The following CSMD1 variants were observed in gnomAD, a reference collection of about 807,000 sequenced individuals.
CSMD1 encodes the protein CUB and Sushi multiple domains 1.
In CSMD1, 213 loss-of-function variants were observed where a neutral mutation model predicts 417.5. The observed-to-expected ratio is 0.51, with a 90% CI of 0.46 to 0.57. CSMD1 has a LOEUF of 0.57. Ranked by LOEUF, CSMD1 falls within the 20% of genes least tolerant of loss-of-function variation. The pLI is 0.00. For synonymous variants in CSMD1, 2,862 were observed against 1,736.8 expected, an observed-to-expected ratio of 1.65 and a Z score of -16.11; for missense variants, 6,923 against 4,529.7, an observed-to-expected ratio of 1.53 and a Z score of -15.17.
intron 36 of CSMD1, 135 bp downstream of exon 36, chr8:3,187,719 TCTAAGACTTTCAGCA>T (rs1240223438): frequency 2.1e-5 from 13 of 605,620 alleles, no homozygotes; most frequent in Admixed American, 8.1e-5. Context: ...ATGGTCTTAC[TCTAAGACTTTCAGCA>T]CTAGAGCAAC....
intron 2 of CSMD1, among the ~76,000 whole-genome samples, chr8:4,553,640 A>T (rs1258837911): frequency 6.6e-6 from 1 of 152,206 alleles, no homozygotes; most frequent in Non-Finnish European, 1.5e-5. Flanking sequence ...ATATAGCATG[A>T]AAAGCATCAG....
chr8:4,198,088 G>C (rs140934012), intron 3 of CSMD1, among the ~76,000 whole-genome samples: 80 of 152,358 alleles, frequency 5.3e-4, no homozygotes, highest in African/African-American at 1.5e-3. Flanking sequence ...AGGGAAGTCT[G>C]GGAGTCTGAG....
At chr8:4,496,296 G>A (rs945714236) in intron 2 of CSMD1, among the ~76,000 whole-genome samples, 2 of 152,202 alleles carry the variant, frequency 1.3e-5, no homozygotes, top group African/African-American at 2.4e-5. Context: ...ATTGAAGTGT[G>A]AACAATGGTT....
At chr8:4,798,053 C>T (rs903848587) in intron 1 of CSMD1, among the ~76,000 whole-genome samples, 10 of 152,128 alleles carry the variant, frequency 6.6e-5, no homozygotes, top group African/African-American at 1.9e-4. Flanking sequence ...AGGGTACATG[C>T]GCACAACGTG....
chr8:4,254,060 G>T (rs567632788), intron 3 of CSMD1, among the ~76,000 whole-genome samples: 1 of 151,806 alleles, frequency 6.6e-6, no homozygotes, highest in East Asian at 1.9e-4. Flanking sequence ...GGGACTACTG[G>T]TGCCCACCAC....
Position 4,030,141 on chromosome 8 carries a change from G to C in CSMD1, c.610+1764C>G, listed in dbSNP as rs142730307. On this transcript the variant is annotated intron_variant, in intron 4 of 69. Coordinates refer to ENST00000635120, the MANE Select transcript of CSMD1 (RefSeq NM_033225.6). ...AGCTTTTCCAGGTGCATGATGCAAG[G>C]TGTCAGTGGATCTACCATTCTGGAG... 5.1e-4 allele frequency among the ~76,000 whole-genome samples: 78 copies of C among 152,254 alleles called. No homozygotes were observed. In the East Asian group the frequency reaches 0.014, roughly 27 times the overall value.
intron 1 of CSMD1, among the ~76,000 whole-genome samples, chr8:4,972,558 T>A (rs970107713): frequency 2.0e-5 from 3 of 152,192 alleles, no homozygotes; most frequent in Non-Finnish European, 4.4e-5. Flanking sequence ...CATGGGGAAC[T>A]GTGAGTCAAT....
At chr8:4,556,868 C>T (rs1798119052) in intron 2 of CSMD1, among the ~76,000 whole-genome samples, 1 of 152,170 alleles carries the variant, frequency 6.6e-6, no homozygotes, top group South Asian at 2.1e-4. Flanking sequence ...ACGTATAATG[C>T]AATGATTCCA....
At chr8:4,387,785 A>G (rs1803555521) in intron 3 of CSMD1, among the ~76,000 whole-genome samples, 1 of 152,116 alleles carries the variant, frequency 6.6e-6, no homozygotes, top group East Asian at 1.9e-4. Context: ...GAGAATTAAC[A>G]AGACGGATTT....
chr8:4,016,891 A>T (rs114642594), intron 4 of CSMD1, among the ~76,000 whole-genome samples: 1,909 of 152,330 alleles, frequency 0.013, 48 homozygotes, highest in African/African-American at 0.045. Context: ...CACAATCCTG[A>T]AAAACACAAT....
chr8:4,353,640 G>C (rs1231701898), intron 3 of CSMD1, among the ~76,000 whole-genome samples: 3 of 151,990 alleles, frequency 2.0e-5, no homozygotes, highest in Non-Finnish European at 2.9e-5. Context: ...CAACGGGACA[G>C]GCTAAACCTT....
intron 7 of CSMD1, among the ~76,000 whole-genome samples, chr8:3,628,633 C>T (rs1796610566): frequency 1.3e-5 from 2 of 152,054 alleles, no homozygotes. Flanking sequence ...AGGGAGGCAG[C>T]TCCCGCAGAG....
At chr8:3,001,522 G>A (rs1807404762) in intron 52 of CSMD1, among the ~76,000 whole-genome samples, 1 of 152,136 alleles carries the variant, frequency 6.6e-6, no homozygotes, top group Admixed American at 6.6e-5. Flanking sequence ...TTCACCATGA[G>A]TTCCTAAATA....
intron 1 of CSMD1, among the ~76,000 whole-genome samples, chr8:4,955,537 C>T (rs188116424): frequency 3.3e-5 from 5 of 151,916 alleles, no homozygotes; most frequent in African/African-American, 1.2e-4. Flanking sequence ...CACACTGCAA[C>T]CTCCGCCTCC....
chr8:3,167,291 G>GAAAAA (rs61026104), intron 37 of CSMD1, among the ~76,000 whole-genome samples: 8 of 102,600 alleles, frequency 7.8e-5, no homozygotes, highest in Admixed American at 2.1e-4. Context: ...CTTGGAAAAA[G>GAAAAA]AAAAAAAAAA....
intron 2 of CSMD1, among the ~76,000 whole-genome samples, chr8:4,624,110 T>C (rs1282884591): frequency 1.3e-5 from 2 of 152,128 alleles, no homozygotes; most frequent in Non-Finnish European, 2.9e-5. Context: ...TAAACTGGGC[T>C]CTCTGTATAC....
At chr8:3,286,391 G>T (rs1200760228) in intron 25 of CSMD1, among the ~76,000 whole-genome samples, 2 of 152,016 alleles carry the variant, frequency 1.3e-5, no homozygotes, top group Admixed American at 1.3e-4. Context: ...AGATCCCTGA[G>T]GAATGGCCAC....
At chr8:4,095,709 A>C (rs1274444195) in intron 3 of CSMD1, among the ~76,000 whole-genome samples, 1 of 152,214 alleles carries the variant, frequency 6.6e-6, no homozygotes, top group Non-Finnish European at 1.5e-5. Flanking sequence ...GATGAGGTGC[A>C]TCCGTACTTC....
intron 3 of CSMD1, among the ~76,000 whole-genome samples, chr8:4,258,088 C>T (rs558625859): frequency 9.9e-5 from 15 of 151,712 alleles, no homozygotes; most frequent in Admixed American, 3.3e-4. Context: ...GGACTACAGG[C>T]CCGTGCTACC....
Sources: allele counts gnomAD v4.1 joint callset (sites outside exome capture counted in the v4.1 genomes callset), GRCh38; gene constraint gnomAD v4.1.1; transcripts MANE v1.5; gene names NCBI Gene and HGNC (gene_info 2026-07-23, HGNC 2026-07-21).